Variants in NR6A1 observed in about 807,000 individuals in gnomAD.
NR6A1 encodes retinoic acid receptor-related testis-associated receptor.
NR6A1 carries 7 observed loss-of-function variants against 59.1 expected under a neutral mutation model. The observed-to-expected ratio is 0.12, with a 90% CI of 0.07 to 0.22. NR6A1 has a LOEUF of 0.22. Ranked by LOEUF, NR6A1 falls within the 10% of genes least tolerant of loss-of-function variation. NR6A1 has a pLI of 1.00. For missense variants in NR6A1, 468 were observed against 611.6 expected (o/e 0.77, Z 2.48); for synonymous variants, 243 against 236.1 (o/e 1.03, Z -0.27).
chr9:124,770,089 G>A (rs1289479942), intron 1 of NR6A1: 7 of 152,332 alleles, frequency 4.6e-5, no homozygotes, highest in Non-Finnish European at 1.0e-4. Context: ...GGCCAGGTGA[G>A]GGATTCTCAG....
At chr9:124,537,958 T>C (rs1410159170) in intron 6 of NR6A1, 134 bp downstream of exon 6, 1 of 658,196 alleles carries the variant, frequency 1.5e-6, no homozygotes, top group African/African-American at 1.8e-5. Flanking sequence ...AGCACAGATT[T>C]GTCCCCTGAC....
chr9:124,587,888 C>G (rs1456604498), intron 2 of NR6A1, among the ~76,000 whole-genome samples: 1 of 152,198 alleles, frequency 6.6e-6, no homozygotes, highest in Non-Finnish European at 1.5e-5. Context: ...TCCCTACCAA[C>G]AGTCTCACTT....
At chr9:124,745,389 T>C (rs549318668) in intron 1 of NR6A1, among the ~76,000 whole-genome samples, 4 of 152,302 alleles carry the variant, frequency 2.6e-5, no homozygotes, top group African/African-American at 4.8e-5. Flanking sequence ...AAAAAAATCC[T>C]GGCAGGGCAC....
intron 1 of NR6A1, among the ~76,000 whole-genome samples, chr9:124,752,274 A>G (rs114027215): frequency 0.016 from 2,505 of 152,302 alleles, 77 homozygotes; most frequent in East Asian, 0.15. Flanking sequence ...GTCTCAAACA[A>G]ACAAAAAAAT....
intron 2 of NR6A1, among the ~76,000 whole-genome samples, chr9:124,600,222 G>C (rs918055543): frequency 1.3e-5 from 2 of 152,192 alleles, no homozygotes; most frequent in African/African-American, 4.8e-5. Context: ...AAGATCTCTG[G>C]TTCTCATCTG....
chr9:124,633,888 A>G (rs1055156925), intron 2 of NR6A1, among the ~76,000 whole-genome samples: 3 of 152,254 alleles, frequency 2.0e-5, no homozygotes, highest in Non-Finnish European at 4.4e-5. Flanking sequence ...AAACACTTCC[A>G]GAATTTATTT....
Position 124,647,828 on chromosome 9 carries a change from C to T in NR6A1, c.142+85480G>A, listed in dbSNP as rs190131551. On this transcript the variant is annotated intron_variant, in intron 2 of 9. Coordinates refer to ENST00000487099, the MANE Select transcript of NR6A1 (RefSeq NM_033334.4). ...AGAAAGAGGCAGTAATAAAAAGTTT[C>T]CCATCAAAGAAAAGCCCAGGACATG... 1.3e-3 allele frequency among the ~76,000 whole-genome samples: 195 copies of T among 151,796 alleles called. 1 individual carries two copies. The highest frequency in any genetic ancestry group is 4.5e-3 in the African/African-American group (186 of 41,410).
At chr9:124,551,441 T>C (rs985162775) in intron 3 of NR6A1, among the ~76,000 whole-genome samples, 19 of 152,336 alleles carry the variant, frequency 1.2e-4, no homozygotes, top group Non-Finnish European at 1.8e-4. Context: ...CTGACTCTCA[T>C]TGTCCACAAT....
At chr9:124,587,995 G>A (rs1834984307) in intron 2 of NR6A1, among the ~76,000 whole-genome samples, 1 of 152,108 alleles carries the variant, frequency 6.6e-6, no homozygotes, top group Non-Finnish European at 1.5e-5. Flanking sequence ...AGCCTTTCAA[G>A]TCAACACTTT....
intron 2 of NR6A1, chr9:124,693,624 A>G (rs1838641284): frequency 4.1e-6 from 2 of 483,166 alleles, no homozygotes; most frequent in Admixed American, 2.2e-5. Context: ...GAGAAGCCAG[A>G]CACACAGACT....
chr9:124,570,534 CAAGAAAACAA>C (rs1834409575), intron 2 of NR6A1, among the ~76,000 whole-genome samples: 1 of 152,174 alleles, frequency 6.6e-6, no homozygotes, highest in Non-Finnish European at 1.5e-5. Flanking sequence ...TAGGTGAGGG[CAAGAAAACAA>C]AAATTCAGAA....
intron 2 of NR6A1, among the ~76,000 whole-genome samples, chr9:124,662,425 T>C (rs1018859664): frequency 8.5e-5 from 13 of 152,174 alleles, no homozygotes; most frequent in African/African-American, 3.1e-4. Flanking sequence ...TTAGTATCCT[T>C]ACCTGCAAAA....
At chr9:124,750,768 A>T in intron 1 of NR6A1, among the ~76,000 whole-genome samples, 1 of 152,024 alleles carries the variant, frequency 6.6e-6, no homozygotes, top group Non-Finnish European at 1.5e-5. Context: ...TCAAAAAAAT[A>T]AATAAATAAA....
intron 2 of NR6A1, among the ~76,000 whole-genome samples, chr9:124,684,331 C>T (rs891526877): frequency 1.3e-5 from 2 of 152,204 alleles, no homozygotes; most frequent in African/African-American, 4.8e-5. Flanking sequence ...GTCCTCTTGG[C>T]TTTATCACAC....
intron 1 of NR6A1, among the ~76,000 whole-genome samples, chr9:124,762,479 A>G (rs1414468094): frequency 6.6e-6 from 1 of 152,162 alleles, no homozygotes; most frequent in Non-Finnish European, 1.5e-5. Context: ...TTGTTGTTGA[A>G]GCACAGGCAG....
At chr9:124,725,704 A>G (rs528164848) in intron 2 of NR6A1, among the ~76,000 whole-genome samples, 4 of 152,318 alleles carry the variant, frequency 2.6e-5, no homozygotes, top group East Asian at 1.9e-4. Context: ...TTGGGAGACC[A>G]AGGCAGGAGG....
At chr9:124,720,313 AGTGCTAGGATTACAG>A (rs1018543077) in intron 2 of NR6A1, among the ~76,000 whole-genome samples, 6 of 152,154 alleles carry the variant, frequency 3.9e-5, no homozygotes, top group African/African-American at 1.2e-4. Flanking sequence ...AGCCTCCCAA[AGTGCTAGGATTACAG>A]GCGCGAGCCA....
At chr9:124,603,392 C>T (rs984369917) in intron 2 of NR6A1, among the ~76,000 whole-genome samples, 12 of 152,070 alleles carry the variant, frequency 7.9e-5, no homozygotes, top group Admixed American at 1.3e-4. Context: ...TTCATCTTAC[C>T]TCACGACAGG....
chr9:124,580,010 CATAA>C (rs1433978496), intron 2 of NR6A1, among the ~76,000 whole-genome samples: 1 of 152,108 alleles, frequency 6.6e-6, no homozygotes, highest in East Asian at 1.9e-4. Flanking sequence ...AACTGTGTCT[CATAA>C]ATAAACAAAC....
Sources: allele counts gnomAD v4.1 joint callset (sites outside exome capture counted in the v4.1 genomes callset), GRCh38; gene constraint gnomAD v4.1.1; transcripts MANE v1.5; gene names NCBI Gene and HGNC (gene_info 2026-07-23, HGNC 2026-07-21).